The following ARHGEF7 variants were observed in gnomAD, a reference collection of about 807,000 sequenced individuals.
ARHGEF7 encodes the protein PAK-interacting exchange factor beta.
In ARHGEF7, 33 loss-of-function variants were observed where a neutral mutation model predicts 109.8. The ratio of observed to expected loss-of-function variants is 0.30; its 90% confidence interval spans 0.23 to 0.40. The LOEUF (loss-of-function observed/expected upper bound fraction) is 0.40. ARHGEF7 is among the 10% of genes least tolerant of loss of function. The pLI is 1.00. For synonymous variants in ARHGEF7, 458 were observed against 424.6 expected, an observed-to-expected ratio of 1.08 and a Z score of -0.97; for missense variants, 938 against 1,098.5, an observed-to-expected ratio of 0.85 and a Z score of 2.07.
chr13:111,232,279 G>A (rs1380955890), intron 5 of ARHGEF7, among the ~76,000 whole-genome samples: 3 of 152,080 alleles, frequency 2.0e-5, no homozygotes, highest in African/African-American at 7.2e-5. Context: ...GCCATACACT[G>A]TCTGCAGAAC....
chr13:111,234,632 A>G (rs1194702488), intron 6 of ARHGEF7, among the ~76,000 whole-genome samples: 1 of 152,160 alleles, frequency 6.6e-6, no homozygotes, highest in Non-Finnish European at 1.5e-5. Flanking sequence ...CACTTCTCTT[A>G]CATTAGTGGC....
intron 8 of ARHGEF7, among the ~76,000 whole-genome samples, chr13:111,264,809 T>C (rs1169033143): frequency 2.6e-5 from 4 of 152,256 alleles, no homozygotes; most frequent in African/African-American, 9.6e-5. Flanking sequence ...GTGTGTGGGA[T>C]ATTTTTATTA....
rs373754333 is a variant in ARHGEF7, at chr13:111,283,194, C to T, written c.1781C>T (p.Pro594Leu). ...SSKHADSKPA[P>L]LTPAYHTLPH... ...AAGCACGCAGACAGCAAGCCCGCGCCGCTGACGCCCGCCTACCACACGCTG... is the reference window on the plus strand; with the variant it reads ...AAGCACGCAGACAGCAAGCCCGCGCTGCTGACGCCCGCCTACCACACGCTG... The change falls in exon 16 of 22, where the codon CCG (proline) becomes CTG (leucine). Residue 594 changes from proline to leucine, a missense_variant. Physicochemically the swap from Pro to Leu is moderately conservative, Grantham distance 98. Coordinates refer to ENST00000646102, the MANE Select transcript of ARHGEF7 (RefSeq NM_001354046.2). The T allele has an allele frequency of 5.6e-5, 89 of 1,596,536 alleles. No individual in the cohort carries two copies. In the African/African-American group the frequency reaches 6.4e-4, roughly 11 times the overall value.
chr13:111,162,553 T>A (rs1378656313), intron 2 of ARHGEF7, among the ~76,000 whole-genome samples: 3 of 152,166 alleles, frequency 2.0e-5, no homozygotes, highest in African/African-American at 7.2e-5. Flanking sequence ...TTTCTCACTT[T>A]ACAGTCGAGA....
At chr13:111,167,194 G>C (rs1254091617) in intron 2 of ARHGEF7, among the ~76,000 whole-genome samples, 1 of 152,164 alleles carries the variant, frequency 6.6e-6, no homozygotes, top group Admixed American at 6.5e-5. Context: ...TGCAAAAATA[G>C]GTTTGTGGTC....
intron 14 of ARHGEF7, 57 bp from the exon 15 acceptor site, chr13:111,280,481 C>T (rs959451591): frequency 1.8e-5 from 29 of 1,577,874 alleles, no homozygotes; most frequent in East Asian, 6.7e-5. Context: ...GGGGTGTGCA[C>T]GCACGTGCTT....
rs2091639442 is a variant in ARHGEF7 at position 111,266,358 on chromosome 13, G to T, written c.951-1190G>T. On this transcript the variant is annotated intron_variant, in intron 8 of 21. Coordinates refer to ENST00000646102, the MANE Select transcript of ARHGEF7 (RefSeq NM_001354046.2). This position sits in a 1 kb window ranked among gnomAD's most constrained non-coding sequence, Gnocchi z 4.8. ...TGACTCTGCTGTTGTCTGGGGCCTC[G>T]GTCTTCTTTTGGCCTGTGTCGACGC... Among the ~76,000 whole-genome samples, 1 of 151,986 alleles carries T rather than the reference G, an allele frequency of 6.6e-6. No homozygotes were observed. The highest frequency in any genetic ancestry group is 1.5e-5 in the Non-Finnish European group (1 of 67,994).
At chr13:111,222,222 G>A (rs1161277711) in intron 5 of ARHGEF7, among the ~76,000 whole-genome samples, 1 of 152,090 alleles carries the variant, frequency 6.6e-6, no homozygotes, top group Non-Finnish European at 1.5e-5. Context: ...GCCAAACTGA[G>A]ACCTAAGTAA....
In ARHGEF7 at chr13:111,273,077, A is replaced by G. The variant is rs145269232; in HGVS notation, c.1074-737A>G. Among the ~76,000 whole-genome samples, 978 of 152,310 alleles carry G rather than the reference A, an allele frequency of 6.4e-3. 9 individuals carry two copies. Among genetic ancestry groups the G allele is most frequent in the African/African-American group, 0.021 (883 of 41,570 alleles). ...CTGACTCTTTAATTTTGGGATATGC[A>G]CTGTTTCTATGTCCATACACAGGGA... On this transcript the variant is annotated intron_variant, in intron 9 of 21. Transcript: ENST00000646102. This position sits in a 1 kb window ranked among gnomAD's most constrained non-coding sequence, Gnocchi z 4.5.
rs192475219 is a variant in ARHGEF7, at chr13:111,229,939, T to A, written c.671-3266T>A. Among the ~76,000 whole-genome samples the A allele has an allele frequency of 1.2e-3, 179 of 152,150 alleles. 1 individual carries two copies. Among genetic ancestry groups the A allele is most frequent in the Non-Finnish European group, 5.4e-4 (37 of 68,014 alleles). On this transcript the variant is annotated intron_variant, in intron 5 of 21. Coordinates refer to ENST00000646102, the MANE Select transcript of ARHGEF7 (RefSeq NM_001354046.2). ...ACCAGTGCATAGAAGCTTCCAGACATCTTTGCATCAGCTGTGCGGGTTACT... is the reference window on the plus strand; with the variant it reads ...ACCAGTGCATAGAAGCTTCCAGACAACTTTGCATCAGCTGTGCGGGTTACT...
In ARHGEF7 at chr13:111,217,629, A is replaced by G. The variant is rs574301804; in HGVS notation, c.469-50A>G. 1.2e-4 allele frequency: 180 copies of G among 1,485,744 alleles called. 6 individuals carry two copies. The South Asian group carries it at 2.0e-3, about 17-fold the overall frequency. The allele number at this position is 1,485,744 out of a possible 1,614,324, so 92.0% of individuals were successfully genotyped here. Reference sequence around the variant, plus strand: ...TAAAGTATAATCCATTTTATAATGAAGTAGACTGTTCTTGGTATAATTTTT... The same window carrying G: ...TAAAGTATAATCCATTTTATAATGAGGTAGACTGTTCTTGGTATAATTTTT... On this transcript the variant is annotated intron_variant, in intron 4 of 21. Coordinates refer to ENST00000646102, the MANE Select transcript of ARHGEF7 (RefSeq NM_001354046.2).
At chr13:111,213,404 C>A (rs141286095) in intron 4 of ARHGEF7, among the ~76,000 whole-genome samples, 2 of 152,066 alleles carry the variant, frequency 1.3e-5, no homozygotes, top group Non-Finnish European at 2.9e-5. Flanking sequence ...GTGCATACAG[C>A]GTGATGTATT....
chr13:111,282,952 G>A, intron 15 of ARHGEF7, 187 bp from the exon 16 acceptor site: 1 of 827,488 alleles, frequency 1.2e-6, no homozygotes, highest in Non-Finnish European at 1.9e-6. Context: ...GGCCCAGGTG[G>A]CGCGAGCTAG....
intron 1 of ARHGEF7, among the ~76,000 whole-genome samples, chr13:111,132,468 C>G (rs1226690162): frequency 6.6e-6 from 1 of 152,150 alleles, no homozygotes; most frequent in Non-Finnish European, 1.5e-5. Context: ...ATTTGATAGT[C>G]TAGATTTGAT....
chr13:111,191,067 G>T (rs1317370241), intron 2 of ARHGEF7, among the ~76,000 whole-genome samples: 1 of 152,136 alleles, frequency 6.6e-6, no homozygotes, highest in African/African-American at 2.4e-5. Flanking sequence ...AGTGGTGGGG[G>T]CGCTGCTGCA....
Position 111,305,357 on chromosome 13 carries a change from G to A in ARHGEF7, c.*2244G>A, listed in dbSNP as rs1384477693. ...TGATATAAACGTTTAAAGGGGCCAC[G>A]ATTTGCCCGAGGGTTACTCCTTTGC... On this transcript the variant is annotated 3_prime_UTR_variant, in exon 22 of 22. Coordinates refer to ENST00000646102, the MANE Select transcript of ARHGEF7 (RefSeq NM_001354046.2). 1 of 152,246 alleles carries A rather than the reference G, an allele frequency of 6.6e-6. No individual in the cohort carries two copies. The highest frequency in any genetic ancestry group is 1.5e-5 in the Non-Finnish European group (1 of 68,058). 9.4% of individuals were successfully genotyped at this position (152,246 alleles called of 1,614,324 possible).
intron 5 of ARHGEF7, among the ~76,000 whole-genome samples, chr13:111,220,983 T>G (rs1400429561): frequency 1.3e-5 from 2 of 150,088 alleles, no homozygotes; most frequent in East Asian, 3.9e-4. Context: ...TATATAGATA[T>G]GAAGGGAACT....
At position 111,249,677 on chromosome 13, in the gene ARHGEF7, T is replaced by G. The variant is rs112441847; in HGVS notation, c.950+5383T>G. On this transcript the variant is annotated intron_variant, in intron 8 of 21. Transcript: ENST00000646102. ...TTGACATTGCCAGGGTGAGATACAA[T>G]AGAACTCGGTTTTAGGGCTAGTTTT... Among the ~76,000 whole-genome samples the G allele has an allele frequency of 2.1e-3, 316 of 152,284 alleles. 1 individual carries two copies. The highest frequency in any genetic ancestry group is 7.3e-3 in the African/African-American group (303 of 41,570).
intron 2 of ARHGEF7, among the ~76,000 whole-genome samples, chr13:111,157,711 A>C (rs1213132519): frequency 6.6e-6 from 1 of 152,214 alleles, no homozygotes; most frequent in Non-Finnish European, 1.5e-5. Flanking sequence ...ATTCAGAGTG[A>C]TTTCTGTTTC....
Sources: allele counts gnomAD v4.1 joint callset (sites outside exome capture counted in the v4.1 genomes callset), GRCh38; gene constraint gnomAD v4.1.1; non-coding constraint Gnocchi (gnomAD v3.1); transcripts MANE v1.5; gene names NCBI Gene and HGNC (gene_info 2026-07-23, HGNC 2026-07-21).